Variants in ZNF75D observed in about 807,000 individuals in gnomAD.
ZNF75D encodes the protein zinc finger protein 75.
Under a neutral mutation model 33.3 loss-of-function variants are expected in ZNF75D, and 33 were observed. The observed-to-expected ratio is 0.99, with a 90% CI of 0.75 to 1.32. The LOEUF (loss-of-function observed/expected upper bound fraction) is 1.32. ZNF75D is among the 40% of genes most tolerant of loss of function. ZNF75D has a pLI of 0.00. For synonymous variants in ZNF75D, 113 were observed against 130.6 expected, an observed-to-expected ratio of 0.87 and a Z score of 0.92; for missense variants, 338 against 367.5, an observed-to-expected ratio of 0.92 and a Z score of 0.66.
intron 1 of ZNF75D, among the ~76,000 whole-genome samples, chrX:135,260,361 A>C (rs1361266467): frequency 1.8e-5 from 2 of 112,063 alleles, no homozygotes; most frequent in Non-Finnish European, 3.8e-5. Flanking sequence ...ATAGTTTCAG[A>C]AGGAATGGTA....
At chrX:135,256,485 C>G (rs1437978367) in intron 1 of ZNF75D, among the ~76,000 whole-genome samples, 1 of 112,103 alleles carries the variant, frequency 8.9e-6, no homozygotes, top group Non-Finnish European at 1.9e-5. Context: ...TCAGTTGAAA[C>G]TTGAGCTTCT....
chrX:135,297,259 G>A (rs1380108785), intron 1 of ZNF75D: 1 of 112,067 alleles, frequency 8.9e-6, no homozygotes, highest in East Asian at 2.8e-4. Flanking sequence ...AAATGCAGAT[G>A]ACACTAAGTT....
intron 1 of ZNF75D, among the ~76,000 whole-genome samples, chrX:135,313,477 TG>T (rs781968552): frequency 1.6e-3 from 159 of 101,066 alleles, no homozygotes; most frequent in South Asian, 3.4e-3. Flanking sequence ...TGGCTTTTTT[TG>T]TTGTTGTTGT....
intron 1 of ZNF75D, among the ~76,000 whole-genome samples, chrX:135,331,259 C>A (rs1177346299): frequency 9.0e-6 from 1 of 110,742 alleles, no homozygotes; most frequent in Non-Finnish European, 1.9e-5. Flanking sequence ...TCATTGTCCC[C>A]AAAGAAGTAG....
chrX:135,331,517 G>C (rs1556440549), intron 1 of ZNF75D, among the ~76,000 whole-genome samples: 1 of 110,622 alleles, frequency 9.0e-6, no homozygotes. Flanking sequence ...GACAGGGATT[G>C]CAAAGAGGTC....
chrX:135,305,071 C>A (rs2084267556), intron 1 of ZNF75D, among the ~76,000 whole-genome samples: 1 of 111,987 alleles, frequency 8.9e-6, no homozygotes, highest in African/African-American at 3.3e-5. Context: ...ACCCTCAAGA[C>A]TTTTCATCCT....
At chrX:135,272,081 A>T (rs1380288934) in intron 1 of ZNF75D, among the ~76,000 whole-genome samples, 3 of 109,601 alleles carry the variant, frequency 2.7e-5, no homozygotes, top group Non-Finnish European at 5.7e-5. Flanking sequence ...GTTGTATAAA[A>T]CTAAATCTGT....
downstream of ZNF75D, among the ~76,000 whole-genome samples, chrX:135,284,132 T>C (rs1182373557): frequency 8.9e-6 from 1 of 111,754 alleles, no homozygotes; most frequent in Non-Finnish European, 1.9e-5. Context: ...GATCAAGAAT[T>C]GGAGCATTCT....
intron 1 of ZNF75D, among the ~76,000 whole-genome samples, chrX:135,272,490 T>C (rs1343891691): frequency 1.8e-5 from 2 of 110,270 alleles, no homozygotes; most frequent in Non-Finnish European, 3.8e-5. Flanking sequence ...TTATTAGTTG[T>C]GTTCTCATTA....
At chrX:135,326,787 G>A (rs782079593) in intron 1 of ZNF75D, among the ~76,000 whole-genome samples, 13 of 111,105 alleles carry the variant, frequency 1.2e-4, no homozygotes, top group African/African-American at 1.6e-4. Flanking sequence ...AACACTCACC[G>A]CGAAGGTCTG....
chrX:135,294,818 GAAGTA>G (rs1185243617), intron 2 of ZNF75D, among the ~76,000 whole-genome samples: 1 of 111,727 alleles, frequency 9.0e-6, no homozygotes, highest in African/African-American at 3.2e-5. Flanking sequence ...GATCAGAGTA[GAAGTA>G]AAGTAATTAG....
chrX:135,278,028 A>C (rs1483981897), intron 1 of ZNF75D, among the ~76,000 whole-genome samples: 1 of 112,065 alleles, frequency 8.9e-6, no homozygotes. Flanking sequence ...TCTGTGAAGA[A>C]AGTCAATGGT....
At chrX:135,262,190 G>A (rs1420731125) in intron 1 of ZNF75D, among the ~76,000 whole-genome samples, 2 of 111,765 alleles carry the variant, frequency 1.8e-5, no homozygotes, top group Non-Finnish European at 3.8e-5. Context: ...TTCCCTTTGT[G>A]GGCAACCCGA....
intron 1 of ZNF75D, among the ~76,000 whole-genome samples, chrX:135,268,979 C>T (rs1407468557): frequency 1.8e-5 from 2 of 111,425 alleles, no homozygotes; most frequent in African/African-American, 6.5e-5. Context: ...GACAAAGGTG[C>T]CAAGAACATA....
intron 1 of ZNF75D, among the ~76,000 whole-genome samples, chrX:135,261,993 G>A (rs1233636833): frequency 8.9e-6 from 1 of 111,788 alleles, no homozygotes; most frequent in Non-Finnish European, 1.9e-5. Context: ...GCCTGGTGGT[G>A]ACAAAATCTC....
At chrX:135,322,688 T>C (rs781940039) in intron 1 of ZNF75D, among the ~76,000 whole-genome samples, 198 of 112,408 alleles carry the variant, frequency 1.8e-3, no homozygotes, top group Non-Finnish European at 3.4e-3. Flanking sequence ...GCGCAGGGTC[T>C]ATGGGGTCCT....
intron 5 of ZNF75D, 79 bp downstream of exon 5, chrX:135,291,391 CTA>C: frequency 2.7e-6 from 3 of 1,107,378 alleles, no homozygotes; most frequent in Non-Finnish European, 3.7e-6. Context: ...CTGCTGGACA[CTA>C]TGAGTCCTAG....
chrX:135,257,563 C>G (rs1031401837), intron 1 of ZNF75D, among the ~76,000 whole-genome samples: 1 of 113,268 alleles, frequency 8.8e-6, no homozygotes, highest in Non-Finnish European at 1.9e-5. Flanking sequence ...GACTGCATCT[C>G]TGGACATACC....
downstream of ZNF75D, among the ~76,000 whole-genome samples, chrX:135,282,063 G>A (rs933708227): frequency 8.9e-6 from 1 of 112,387 alleles, no homozygotes; most frequent in Non-Finnish European, 1.9e-5. Flanking sequence ...AGGCAGGAAC[G>A]CTTAAGGCTG....
Sources: gnomAD v4.1 joint callset for allele counts (sites outside exome capture counted in the v4.1 genomes callset) on GRCh38, gnomAD v4.1.1 for gene constraint, MANE v1.5 for transcripts, NCBI Gene and HGNC (gene_info 2026-07-23, HGNC 2026-07-21) for gene names.